LGR4: variants seen among roughly 807,000 people sequenced by gnomAD.
LGR4 encodes leucine rich repeat containing G protein-coupled receptor 4, also known as leucine-rich repeat-containing G protein-coupled receptor 4.
A neutral mutation model predicts 84.8 loss-of-function variants in LGR4; 44 were observed. That is an observed-to-expected ratio of 0.52 (90% CI 0.41 to 0.67). The LOEUF is 0.67. Among genes scored for constraint, LGR4 ranks in the 30% least tolerant of loss-of-function variants. LGR4 has a pLI of 0.00. For synonymous variants in LGR4, 429 were observed against 434.3 expected (o/e 0.99, Z 0.15); for missense variants, 1,032 against 1,131.4 (o/e 0.91, Z 1.26).
chr11:27,421,796 G>A lies in LGR4; in HGVS notation c.186-8936C>T, dbSNP rs1863927394. Reference sequence around the variant, plus strand: ...TTTTTCTTTTGGTCTTTTTAAACAGGCTAGTTTTCACAAGTGTGGGATATG... The same window carrying A: ...TTTTTCTTTTGGTCTTTTTAAACAGACTAGTTTTCACAAGTGTGGGATATG... On this transcript the variant is annotated intron_variant, in intron 1 of 17. Coordinates refer to ENST00000379214, the MANE Select transcript of LGR4 (RefSeq NM_018490.5). Among the ~76,000 whole-genome samples the A allele has an allele frequency of 2.0e-5, 3 of 152,058 alleles. No homozygotes were observed. The South Asian group carries it at 6.2e-4, about 32-fold the overall frequency.
At chr11:27,427,479 C>T (rs1339564959) in intron 1 of LGR4, among the ~76,000 whole-genome samples, 4 of 152,080 alleles carry the variant, frequency 2.6e-5, no homozygotes, top group Non-Finnish European at 5.9e-5. Flanking sequence ...GCTGCAGTCT[C>T]GGAACAACCT....
chr11:27,451,839 T>C (rs1864485942), intron 1 of LGR4, among the ~76,000 whole-genome samples: 1 of 152,212 alleles, frequency 6.6e-6, no homozygotes, highest in South Asian at 2.1e-4. Flanking sequence ...AGTAATAAAA[T>C]ACTTTCATAA....
At position 27,472,245 on chromosome 11, in the gene LGR4, C is replaced by T. The variant is rs918096327; in HGVS notation, c.58G>A (p.Gly20Arg). 4 of 1,322,338 alleles carry T rather than the reference C, an allele frequency of 3.0e-6. No homozygotes were observed. Among genetic ancestry groups the T allele is most frequent in the Non-Finnish European group, 3.8e-6 (4 of 1,041,694 alleles). 81.9% of individuals were successfully genotyped at this position (1,322,338 alleles called of 1,614,324 possible). The change falls in exon 1 of 18, where the codon GGG (glycine) becomes AGG (arginine). Residue 20 changes from glycine (G) to arginine (R), a missense_variant. By Grantham distance (125) the Gly-to-Arg change is moderately radical (BLOSUM62 -2). Transcript: ENST00000379214. The stretch of plus-strand genomic sequence containing the variant: ...AGAGGCGGCGCCGCGCCGCTGGGCC[C>T]GGCCGAGCCGAGCAGCCCCAGGGCG... ...FLALGLLGSA[G>R]PSGAAPPLCA...
intron 1 of LGR4, among the ~76,000 whole-genome samples, chr11:27,424,840 C>T (rs953267503): frequency 6.6e-6 from 1 of 152,192 alleles, no homozygotes; most frequent in Admixed American, 6.5e-5. Context: ...CCTCTGCCTC[C>T]CGGTTCAGGC....
chr11:27,395,376 A>G (rs1164776055), intron 2 of LGR4, among the ~76,000 whole-genome samples: 1 of 152,170 alleles, frequency 6.6e-6, no homozygotes, highest in Non-Finnish European at 1.5e-5. Context: ...AGTATTTTAT[A>G]AAGTAACAAA....
chr11:27,419,745 C>G (rs1205421251), intron 1 of LGR4, among the ~76,000 whole-genome samples: 2 of 151,178 alleles, frequency 1.3e-5, no homozygotes, highest in East Asian at 3.9e-4. Context: ...GGAATGTTAT[C>G]CAGCACAAAA....
chr11:27,385,747 T>C (rs1217137140), intron 4 of LGR4, among the ~76,000 whole-genome samples: 1 of 151,756 alleles, frequency 6.6e-6, no homozygotes, highest in East Asian at 1.9e-4. Context: ...AGCAGAAAGA[T>C]ATATTTTTTA....
Position 27,373,567 on chromosome 11 carries a change from C to A in LGR4, c.1363G>T (p.Asp455Tyr), listed in dbSNP as rs764299872. ...FKLKEALAAKDFVNLRSLSVP... is the reference protein window; with the variant it reads ...FKLKEALAAKYFVNLRSLSVP... ...AAAACACACCTGAGGTTAACAAAGT[C>A]TTTTGCTGCTAAGGCTTCTTTCAGC... The change falls in exon 15 of 18, where the codon GAC becomes TAC. Residue 455 changes from aspartate (D) to tyrosine (Y), a missense_variant. Transcript: ENST00000379214. The A allele has an allele frequency of 6.3e-7, 1 of 1,582,680 alleles. No individual in the cohort carries two copies. Among genetic ancestry groups the A allele is most frequent in the South Asian group, 1.2e-5 (1 of 84,170 alleles).
rs981818104 is a variant in LGR4 at position 27,366,766 on chromosome 11, T to C, written c.*1101A>G. On this transcript the variant is annotated 3_prime_UTR_variant, in exon 18 of 18. Transcript: ENST00000379214. ...TCTTGTTTAACCAGAGTTCAACCTCTGAGCTATTGAATAGGCTCTTTTATA... is the reference window on the plus strand; with the variant it reads ...TCTTGTTTAACCAGAGTTCAACCTCCGAGCTATTGAATAGGCTCTTTTATA... The C allele has an allele frequency of 1.3e-5, 2 of 152,392 alleles. No homozygotes were observed. The highest frequency in any genetic ancestry group is 6.5e-5 in the Admixed American group (1 of 15,280). 9.4% of individuals were successfully genotyped at this position (152,392 alleles called of 1,614,324 possible).
In LGR4 at chr11:27,368,601, C is replaced by G. The variant is rs757296851; in HGVS notation, c.2122G>C (p.Val708Leu). The change falls in exon 18 of 18, where the codon GTA becomes CTA. Residue 708 changes from valine to leucine, a missense_variant. Physicochemically the swap from Val to Leu is conservative, Grantham distance 32. Transcript: ENST00000379214. Reference protein sequence around the residue: ...TGETPSLGFTVTLVLLNSLAF... With the variant: ...TGETPSLGFTLTLVLLNSLAF... The stretch of plus-strand genomic sequence containing the variant: ...AGTGAGTTTAATAGCACTAACGTTA[C>G]AGTGAATCCTAATGATGGCGTTTCA... 6.2e-7 allele frequency: 1 copy of G among 1,613,760 alleles called. No homozygotes were observed. Among genetic ancestry groups the G allele is most frequent in the South Asian group, 1.1e-5 (1 of 91,026 alleles).
At chr11:27,423,639 A>G (rs1249566710) in intron 1 of LGR4, among the ~76,000 whole-genome samples, 1 of 152,260 alleles carries the variant, frequency 6.6e-6, no homozygotes, top group Non-Finnish European at 1.5e-5. Flanking sequence ...CTTGGGAATG[A>G]CTTATAACTC....
chr11:27,413,715 A>C (rs967161532), intron 1 of LGR4, among the ~76,000 whole-genome samples: 1 of 152,090 alleles, frequency 6.6e-6, no homozygotes, highest in Non-Finnish European at 1.5e-5. Context: ...TCCCCTCTCT[A>C]GAACCTGGCA....
chr11:27,454,879 A>C (rs1012155925), intron 1 of LGR4, among the ~76,000 whole-genome samples: 2 of 152,226 alleles, frequency 1.3e-5, no homozygotes, highest in Admixed American at 6.5e-5. Context: ...GACAAGGAAG[A>C]AGCACAGGAA....
At chr11:27,396,197 T>G (rs1285123133) in intron 2 of LGR4, among the ~76,000 whole-genome samples, 1 of 152,182 alleles carries the variant, frequency 6.6e-6, no homozygotes, top group African/African-American at 2.4e-5. Context: ...TCTACCTGTA[T>G]TGTGATGCCT....
rs930965305 is a variant in LGR4 at position 27,368,416 on chromosome 11, T to C, written c.2307A>G (p.Ala769=). The change falls in exon 18 of 18, where the codon GCA becomes GCG. Residue 769 remains alanine, a synonymous_variant. Coordinates refer to ENST00000379214, the MANE Select transcript of LGR4 (RefSeq NM_018490.5). ...FFCPVAFFSF[A]PLITAISISP... ...TGATAGAGATTGCAGTGATCAATGG[T>C]GCAAATGAAAAAAACGCCACAGGGC... 4 of 1,614,138 alleles carry C rather than the reference T, an allele frequency of 2.5e-6. No homozygotes were observed. Among genetic ancestry groups the C allele is most frequent in the Non-Finnish European group, 3.4e-6 (4 of 1,180,016 alleles).
chr11:27,381,062 C>A, intron 7 of LGR4, 96 bp from the exon 8 acceptor site: 1 of 620,100 alleles, frequency 1.6e-6, no homozygotes, highest in East Asian at 2.6e-5. Context: ...TAAAATACAA[C>A]TGATAATGAC....
chr11:27,381,543 G>A (rs564063753), intron 7 of LGR4, among the ~76,000 whole-genome samples: 14 of 152,196 alleles, frequency 9.2e-5, no homozygotes, highest in Admixed American at 3.9e-4. Context: ...TTAGCTGGGC[G>A]TGGTGGTGCA....
At chr11:27,461,781 C>T (rs943500593) in intron 1 of LGR4, among the ~76,000 whole-genome samples, 1 of 150,434 alleles carries the variant, frequency 6.6e-6, no homozygotes, top group African/African-American at 2.4e-5. Flanking sequence ...GAAAGTGATC[C>T]AAGAAACTAC....
Position 27,373,976 on chromosome 11 carries a change from G to C in LGR4, c.1252C>G (p.Leu418Val), listed in dbSNP as rs778535535. The C allele has an allele frequency of 6.3e-7, 1 of 1,599,028 alleles. No individual in the cohort carries two copies. Among genetic ancestry groups the C allele is most frequent in the African/African-American group, 1.3e-5 (1 of 74,586 alleles). Residue 418 changes from leucine to valine, a missense_variant and splice_region_variant, in exon 14 of 18, where the codon CTA (leucine) becomes GTA (valine). By Grantham distance (32) the Leu-to-Val change is conservative. Coordinates refer to ENST00000379214, the MANE Select transcript of LGR4 (RefSeq NM_018490.5). ...AFATLGPITN[L>V]DVSFNELTSF... ...ATTACTGCATAATCATCCACTTACA[G>C]GTTAGTTATTGGCCCAAGTGTGGCA... is the stretch of plus-strand genomic sequence containing the variant.
Sources: gnomAD v4.1 joint callset for allele counts (sites outside exome capture counted in the v4.1 genomes callset) on GRCh38, gnomAD v4.1.1 for gene constraint, MANE v1.5 for transcripts, NCBI Gene and HGNC (gene_info 2026-07-23, HGNC 2026-07-21) for gene names.